Variants in FNIP2 observed in about 807,000 individuals in gnomAD.
FNIP2 encodes the protein folliculin interacting protein 2.
In FNIP2, 32 loss-of-function variants were observed where a neutral mutation model predicts 108.7. The ratio of observed to expected loss-of-function variants is 0.29; its 90% CI spans 0.22 to 0.40. The LOEUF (loss-of-function observed/expected upper bound fraction) is 0.40. FNIP2 is among the 10% of genes least tolerant of loss of function. The pLI is 1.00. For missense variants in FNIP2, 1,202 were observed against 1,381.6 expected, an observed-to-expected ratio of 0.87 and a Z score of 2.06; for synonymous variants, 480 against 496.7, an observed-to-expected ratio of 0.97 and a Z score of 0.45.
intron 1 of FNIP2, among the ~76,000 whole-genome samples, chr4:158,801,877 C>CTA (rs1776775246): frequency 6.6e-6 from 1 of 152,138 alleles, no homozygotes; most frequent in African/African-American, 2.4e-5. Context: ...CTGTTAGGAA[C>CTA]TATCCATGGT....
chr4:158,886,527 A>C (rs889716172), intron 14 of FNIP2, among the ~76,000 whole-genome samples: 3 of 152,220 alleles, frequency 2.0e-5, no homozygotes, highest in Admixed American at 2.0e-4. Flanking sequence ...TTGGACACTC[A>C]GTGTGGTGTG....
intron 1 of FNIP2, among the ~76,000 whole-genome samples, chr4:158,772,494 G>C (rs1338168603): frequency 6.6e-6 from 1 of 152,196 alleles, no homozygotes; most frequent in Admixed American, 6.5e-5. Context: ...TGGGCTACCA[G>C]ATGTTCTTTT....
intron 14 of FNIP2, among the ~76,000 whole-genome samples, chr4:158,880,813 A>G (rs550905741): frequency 6.6e-6 from 1 of 152,236 alleles, no homozygotes; most frequent in African/African-American, 2.4e-5. Flanking sequence ...ACGACCTTGT[A>G]TGGTCTGAAT....
At chr4:158,811,913 C>A in intron 1 of FNIP2, among the ~76,000 whole-genome samples, 1 of 152,196 alleles carries the variant, frequency 6.6e-6, no homozygotes, top group East Asian at 1.9e-4. Context: ...TGAGGAAGTA[C>A]ATTTTCAACA....
At chr4:158,833,755 T>C (rs780756916) in intron 6 of FNIP2, 127 bp downstream of exon 6, 8 of 1,480,278 alleles carry the variant, frequency 5.4e-6, no homozygotes, top group Non-Finnish European at 7.3e-6. Flanking sequence ...TTATTTTTTT[T>C]GTATGTGTAC....
chr4:158,794,323 A>AG (rs1405510228), intron 1 of FNIP2, among the ~76,000 whole-genome samples: 2 of 132,646 alleles, frequency 1.5e-5, no homozygotes, highest in East Asian at 1.1e-3. Flanking sequence ...GCTAATTAAA[A>AG]AAAAATTTTT....
At chr4:158,889,263 A>G (rs141486927) in intron 14 of FNIP2, among the ~76,000 whole-genome samples, 42 of 152,314 alleles carry the variant, frequency 2.8e-4, no homozygotes, top group Middle Eastern at 3.4e-3. Flanking sequence ...TTTCTCTTGC[A>G]TGCTTACTTT....
chr4:158,774,755 C>T (rs1275424688), intron 1 of FNIP2, among the ~76,000 whole-genome samples: 1 of 152,148 alleles, frequency 6.6e-6, no homozygotes, highest in Non-Finnish European at 1.5e-5. Flanking sequence ...TTAGGAGCTG[C>T]ATGCAGCTCA....
At chr4:158,852,938 G>A (rs1292417514) in intron 8 of FNIP2, among the ~76,000 whole-genome samples, 1 of 152,122 alleles carries the variant, frequency 6.6e-6, no homozygotes, top group Non-Finnish European at 1.5e-5. Flanking sequence ...TGGCTACCTA[G>A]TTTATGGGCC....
At chr4:158,898,710 CT>C (rs1782918726) in intron 16 of FNIP2, among the ~76,000 whole-genome samples, 1 of 152,198 alleles carries the variant, frequency 6.6e-6, no homozygotes, top group South Asian at 2.1e-4. Flanking sequence ...GCTGAAGTTG[CT>C]TATCAGCTTA....
intron 12 of FNIP2, among the ~76,000 whole-genome samples, chr4:158,865,679 T>A (rs1053480820): frequency 1.3e-5 from 2 of 152,312 alleles, no homozygotes. Flanking sequence ...AAATATTTCA[T>A]GAATTCCTGA....
intron 1 of FNIP2, among the ~76,000 whole-genome samples, chr4:158,782,523 GT>G (rs77146538): frequency 1.1e-3 from 80 of 74,832 alleles, no homozygotes; most frequent in African/African-American, 1.5e-3. Context: ...CTTCCTTTTT[GT>G]TTTTTTTTTT....
At position 158,835,398 on chromosome 4, in the gene FNIP2, A is replaced by C. The variant is rs1293321793; in HGVS notation, c.656-7A>C. 7.4e-6 allele frequency: 12 copies of C among 1,611,660 alleles called. No individual in the cohort carries two copies. Among genetic ancestry groups the C allele is most frequent in the Non-Finnish European group, 1.0e-5 (12 of 1,178,518 alleles). On this transcript the variant is annotated splice_polypyrimidine_tract_variant and splice_region_variant and intron_variant, in intron 6 of 16. Transcript: ENST00000264433. The stretch of plus-strand genomic sequence containing the variant: ...AATAACATGGTTTTCTTGTTCCTTT[A>C]TCTTAGCACACAGCACACCAGTTGA...
At chr4:158,880,005 C>G (rs1011689224) in intron 14 of FNIP2, among the ~76,000 whole-genome samples, 1 of 148,570 alleles carries the variant, frequency 6.7e-6, no homozygotes, top group Non-Finnish European at 1.5e-5. Context: ...GGACTGTAAA[C>G]TAGTTCAACC....
In FNIP2 at chr4:158,886,416, A is replaced by G. The variant is rs1782027705; in HGVS notation, c.2950-5030A>G. Among the ~76,000 whole-genome samples the G allele has an allele frequency of 2.0e-5, 3 of 152,242 alleles. No homozygotes were observed. In the South Asian group the frequency reaches 6.2e-4, roughly 32 times the overall value. ...CTGTCAGAAGTTTCCGAGTTACCCA[A>G]TTAAGTTTCTGTGGGAGGCATGTAA... On this transcript the variant is annotated intron_variant, in intron 14 of 16. Transcript: ENST00000264433.
At chr4:158,899,049 T>C (rs1782956568) in intron 16 of FNIP2, among the ~76,000 whole-genome samples, 2 of 152,172 alleles carry the variant, frequency 1.3e-5, no homozygotes, top group African/African-American at 4.8e-5. Context: ...GTTTATAGCT[T>C]GAAGTGGTGT....
At chr4:158,854,899 T>C (rs1303140530) in intron 8 of FNIP2, among the ~76,000 whole-genome samples, 1 of 152,146 alleles carries the variant, frequency 6.6e-6, no homozygotes. Context: ...GCAAGGTAGG[T>C]CAGAGAAATT....
intron 7 of FNIP2, among the ~76,000 whole-genome samples, chr4:158,843,356 A>C (rs924976075): frequency 2.0e-5 from 3 of 152,228 alleles, no homozygotes; most frequent in Admixed American, 6.5e-5. Flanking sequence ...TCACACTTGA[A>C]GAGATGGGTA....
At chr4:158,839,659 C>T (rs1347114297) in intron 7 of FNIP2, among the ~76,000 whole-genome samples, 2 of 152,224 alleles carry the variant, frequency 1.3e-5, no homozygotes, top group African/African-American at 4.8e-5. Flanking sequence ...TGAGCCACAG[C>T]ACCCCACAAC....
Sources: allele counts gnomAD v4.1 joint callset (sites outside exome capture counted in the v4.1 genomes callset), GRCh38; gene constraint gnomAD v4.1.1; transcripts MANE v1.5; gene names NCBI Gene and HGNC (gene_info 2026-07-23, HGNC 2026-07-21).